The following NCAM2 variants were observed in gnomAD, a reference collection of about 807,000 sequenced individuals.
NCAM2 encodes N-CAM-2.
In NCAM2, 30 loss-of-function variants were observed where a neutral mutation model predicts 98.1. The ratio of observed to expected loss-of-function variants is 0.31; its 90% CI spans 0.23 to 0.41. The LOEUF is 0.41. Among genes scored for constraint, NCAM2 ranks in the 10% least tolerant of loss-of-function variants. NCAM2 has a pLI of 1.00. For synonymous variants in NCAM2, 368 were observed against 342.4 expected (o/e 1.07, Z -0.83); for missense variants, 867 against 1,005.8 (o/e 0.86, Z 1.87).
chr21:21,313,187 T>G (rs1320811510), intron 5 of NCAM2, among the ~76,000 whole-genome samples: 2 of 151,870 alleles, frequency 1.3e-5, no homozygotes. Context: ...TTAAAAAAAT[T>G]TTCTCTATTT....
intron 16 of NCAM2, among the ~76,000 whole-genome samples, chr21:21,518,293 T>C (rs1329153921): frequency 6.6e-6 from 1 of 152,162 alleles, no homozygotes; most frequent in African/African-American, 2.4e-5. Flanking sequence ...TTAGATAACA[T>C]ATTTCAGTTC....
At chr21:21,150,857 GCT>G (rs1601506364) in intron 1 of NCAM2, among the ~76,000 whole-genome samples, 1 of 151,752 alleles carries the variant, frequency 6.6e-6, no homozygotes, top group Non-Finnish European at 1.5e-5. Flanking sequence ...ATTGGGAAGT[GCT>G]CTCTGTTGAT....
chr21:21,407,677 T>C (rs2076769316), intron 9 of NCAM2, among the ~76,000 whole-genome samples: 1 of 152,186 alleles, frequency 6.6e-6, no homozygotes, highest in African/African-American at 2.4e-5. Flanking sequence ...AAATAAGTTA[T>C]ATTTTACATA....
chr21:21,082,285 A>AC (rs1555882249), intron 1 of NCAM2, among the ~76,000 whole-genome samples: 71 of 148,766 alleles, frequency 4.8e-4, no homozygotes, highest in Admixed American at 1.1e-3. Context: ...TCAAAACAAA[A>AC]AAAAAAAAAC....
At chr21:21,416,518 G>GAAA (rs79612070) in intron 10 of NCAM2, among the ~76,000 whole-genome samples, 59 of 150,226 alleles carry the variant, frequency 3.9e-4, no homozygotes, top group African/African-American at 1.4e-3. Context: ...AAAGAAAAAA[G>GAAA]AAAAACACTA....
chr21:21,400,893 T>C (rs1216875243), intron 9 of NCAM2, among the ~76,000 whole-genome samples: 4 of 152,158 alleles, frequency 2.6e-5, no homozygotes, highest in African/African-American at 9.7e-5. Context: ...ACTTTATGTA[T>C]CCTAAAAGTA....
At chr21:21,385,925 T>A (rs1177052608) in intron 9 of NCAM2, among the ~76,000 whole-genome samples, 3 of 152,160 alleles carry the variant, frequency 2.0e-5, no homozygotes, top group Non-Finnish European at 4.4e-5. Context: ...TACTTTTTTT[T>A]TCTATTTGAG....
chr21:21,013,580 G>A lies in NCAM2; in HGVS notation c.55+14962G>A, dbSNP rs1036431062. On this transcript the variant is annotated intron_variant, in intron 1 of 17. Transcript: ENST00000400546. ...GCAGATCATTTGAGGTCAGGAGTTC[G>A]AGACCAGCCTGACCAACATGGTGAA... is the stretch of plus-strand genomic sequence containing the variant. Among the ~76,000 whole-genome samples, 103 of 152,074 alleles carry A rather than the reference G, an allele frequency of 6.8e-4. 1 individual carries two copies. The highest frequency in any genetic ancestry group is 2.4e-4 in the Non-Finnish European group (16 of 68,016).
At chr21:21,052,609 C>T (rs892763135) in intron 1 of NCAM2, among the ~76,000 whole-genome samples, 1 of 152,000 alleles carries the variant, frequency 6.6e-6, no homozygotes, top group African/African-American at 2.4e-5. Flanking sequence ...TTCTTTAGAC[C>T]CAAACAGTTG....
At chr21:21,074,249 T>A (rs1295703453) in intron 1 of NCAM2, among the ~76,000 whole-genome samples, 1 of 152,028 alleles carries the variant, frequency 6.6e-6, no homozygotes, top group East Asian at 1.9e-4. Context: ...TGATGTATAA[T>A]ATAATTTAAA....
Position 21,538,176 on chromosome 21 carries a change from A to G in NCAM2, c.*219A>G, listed in dbSNP as rs968773335. The G allele has an allele frequency of 6.4e-6, 2 of 314,232 alleles. No homozygotes were observed. Among genetic ancestry groups the G allele is most frequent in the South Asian group, 1.4e-4 (1 of 6,902 alleles). 19.5% of individuals were successfully genotyped at this position (314,232 alleles called of 1,614,324 possible). A position where few individuals can be genotyped will look rare whatever the true frequency, so the allele number is the denominator to read the frequency against. ...GTTGTTAATTTTGTTAAGAATTTCA[A>G]TATCAAGACTGACTGGCACCAACAC... On this transcript the variant is annotated 3_prime_UTR_variant, in exon 18 of 18. Transcript: ENST00000400546.
chr21:21,226,590 C>G (rs1418191814), intron 1 of NCAM2: 13 of 152,024 alleles, frequency 8.6e-5, no homozygotes, highest in Admixed American at 8.5e-4. Context: ...TAAAGTACTA[C>G]CAAACCTTAA....
chr21:21,395,646 C>T (rs1286558757), intron 9 of NCAM2, among the ~76,000 whole-genome samples: 2 of 152,052 alleles, frequency 1.3e-5, no homozygotes, highest in Non-Finnish European at 1.5e-5. Flanking sequence ...GTCAACAAAA[C>T]AGCATGGATT....
chr21:21,261,096 GA>G (rs199598609), intron 1 of NCAM2, among the ~76,000 whole-genome samples: 2 of 150,010 alleles, frequency 1.3e-5, no homozygotes, highest in East Asian at 2.0e-4. Context: ...AACAACAGTA[GA>G]AAAAAAAAGA....
At chr21:21,517,098 A>G (rs1988754921) in intron 16 of NCAM2, among the ~76,000 whole-genome samples, 1 of 152,094 alleles carries the variant, frequency 6.6e-6, no homozygotes, top group Non-Finnish European at 1.5e-5. Flanking sequence ...ATTACTCCCA[A>G]ATTATTTTCT....
intron 1 of NCAM2, among the ~76,000 whole-genome samples, chr21:21,124,364 A>G (rs1044108108): frequency 6.6e-6 from 1 of 152,214 alleles, no homozygotes; most frequent in Non-Finnish European, 1.5e-5. Flanking sequence ...TGATCACACA[A>G]CTTGAGTTTT....
At chr21:21,028,037 A>AT (rs1473181414) in intron 1 of NCAM2, among the ~76,000 whole-genome samples, 1 of 151,748 alleles carries the variant, frequency 6.6e-6, no homozygotes, top group Non-Finnish European at 1.5e-5. Flanking sequence ...CTAATTTTGT[A>AT]TTTTTAGTAG....
intron 9 of NCAM2, among the ~76,000 whole-genome samples, chr21:21,380,765 T>C (rs2076136472): frequency 6.6e-6 from 1 of 152,216 alleles, no homozygotes; most frequent in Admixed American, 6.5e-5. Flanking sequence ...AACTTTCTCA[T>C]GTCAACATCT....
rs145883548 is a variant in NCAM2 at position 21,269,250 on chromosome 21, C to A, written c.56-11328C>A. 2.9e-3 allele frequency among the ~76,000 whole-genome samples: 437 copies of A among 152,190 alleles called. 3 individuals carry two copies. The highest frequency in any genetic ancestry group is 0.01 in the African/African-American group (419 of 41,530). On this transcript the variant is annotated intron_variant, in intron 1 of 17. Coordinates refer to ENST00000400546, the MANE Select transcript of NCAM2 (RefSeq NM_004540.5). ...CTGGCTATAATATAAAGAGCTCCTGCAACTGATTGGAGGCCTGAGAAACAG... is the reference window on the plus strand; with the variant it reads ...CTGGCTATAATATAAAGAGCTCCTGAAACTGATTGGAGGCCTGAGAAACAG...
Sources: allele counts gnomAD v4.1 joint callset (sites outside exome capture counted in the v4.1 genomes callset), GRCh38; gene constraint gnomAD v4.1.1; transcripts MANE v1.5; gene names NCBI Gene and HGNC (gene_info 2026-07-23, HGNC 2026-07-21).